UGT1A5: variants seen among roughly 807,000 people sequenced by gnomAD.
The protein encoded by UGT1A5 is UDP glucuronosyltransferase family 1 member A5, also known as UDP-glucuronosyltransferase 1A5.
UGT1A5 carries 29 observed loss-of-function variants against 40.3 expected under a neutral mutation model. The observed-to-expected ratio is 0.72, with a 90% CI of 0.54 to 0.98. The LOEUF is 0.98. Among genes scored for constraint, UGT1A5 ranks in the 50% least tolerant of loss-of-function variants. UGT1A5 has a pLI of 0.00. For missense variants in UGT1A5, 678 were observed against 677.9 expected (o/e 1.00, Z 0.00); for synonymous variants, 257 against 262.5 (o/e 0.98, Z 0.20).
intron 2 of UGT1A5, 67 bp from the exon 3 acceptor site, chr2:233,767,782 A>T: frequency 3.1e-6 from 5 of 1,613,494 alleles, no homozygotes; most frequent in Non-Finnish European, 4.2e-6. Context: ...TCTAGTTAGT[A>T]TAGCAGATTT....
Position 233,748,487 on chromosome 2 carries a change from A to G in UGT1A5, c.868-18547A>G, listed in dbSNP as rs58741345. 1.8e-3 allele frequency among the ~76,000 whole-genome samples: 274 copies of G among 151,976 alleles called. 7 individuals carry two copies. The highest frequency in any genetic ancestry group is 6.4e-3 in the African/African-American group (263 of 41,268). On this transcript the variant is annotated intron_variant, in intron 1 of 4. Transcript: ENST00000373414. ...ATGCAACAGCAAATTACAATTGTTAATGTGATAATTTTTAGTGGTCCTGTC... is the reference window on the plus strand; with the variant it reads ...ATGCAACAGCAAATTACAATTGTTAGTGTGATAATTTTTAGTGGTCCTGTC...
At chr2:233,725,046 G>C in intron 1 of UGT1A5, among the ~76,000 whole-genome samples, 1 of 147,958 alleles carries the variant, frequency 6.8e-6, no homozygotes, top group Non-Finnish European at 1.5e-5. Flanking sequence ...AACCAGTCAG[G>C]CGTGGCGGCG....
In UGT1A5 at chr2:233,768,384, G is replaced by A; in HGVS notation, c.1252G>A (p.Glu418Lys). 2 of 1,614,136 alleles carry A rather than the reference G, an allele frequency of 1.2e-6. No individual in the cohort carries two copies. Among genetic ancestry groups the A allele is most frequent in the Non-Finnish European group, 1.7e-6 (2 of 1,180,028 alleles). ...KGAGVTLNVLEMTSEDLENAL... is the reference protein window; with the variant it reads ...KGAGVTLNVLKMTSEDLENAL... ...AGCTGGAGTGACCCTGAATGTTCTGGAAATGACTTCTGAAGATTTAGAAAA... is the reference window on the plus strand; with the variant it reads ...AGCTGGAGTGACCCTGAATGTTCTGAAAATGACTTCTGAAGATTTAGAAAA... The change falls in exon 4 of 5, where the codon GAA becomes AAA. Residue 418 changes from glutamate (E) to lysine (K), a missense_variant. By Grantham distance (56) the Glu-to-Lys change is moderately conservative. Transcript: ENST00000373414.
intron 1 of UGT1A5, chr2:233,755,333 G>A (rs878855763): frequency 4.4e-6 from 2 of 455,268 alleles, no homozygotes; most frequent in South Asian, 1.9e-5. Flanking sequence ...CAGCACCCGC[G>A]CACAGGTCAG....
At chr2:233,744,920 C>T (rs543250877) in intron 1 of UGT1A5, among the ~76,000 whole-genome samples, 1 of 151,948 alleles carries the variant, frequency 6.6e-6, no homozygotes, top group African/African-American at 2.4e-5. Flanking sequence ...GCTCAAGCTC[C>T]TTTTATAAAA....
chr2:233,726,439 C>G (rs2077532269), intron 1 of UGT1A5, among the ~76,000 whole-genome samples: 1 of 152,184 alleles, frequency 6.6e-6, no homozygotes, highest in African/African-American at 2.4e-5. Context: ...TAATCTTATT[C>G]TTTCCACTGA....
At chr2:233,728,962 CAG>C in intron 1 of UGT1A5, 1 of 1,451,584 alleles carries the variant, frequency 6.9e-7, no homozygotes, top group Non-Finnish European at 9.2e-7. Flanking sequence ...CAGTGAAAAA[CAG>C]TGATAGATTA....
In UGT1A5 at chr2:233,769,819, C is replaced by T. The variant is rs35283790; in HGVS notation, c.1307+1380C>T. Reference sequence around the variant, plus strand: ...GCTATGAGCCGTGATCATGCCACTGCACTCCAGCAACCTGGGCAACAGAGT... The same window carrying T: ...GCTATGAGCCGTGATCATGCCACTGTACTCCAGCAACCTGGGCAACAGAGT... On this transcript the variant is annotated intron_variant, in intron 4 of 4. Transcript: ENST00000373414. This position sits in a 1 kb window ranked among gnomAD's most constrained non-coding sequence, Gnocchi z 4.4. The T allele has an allele frequency of 0.018, 15,000 of 840,188 alleles. 224 individuals carry two copies. Among genetic ancestry groups the T allele is most frequent in the Admixed American group, 0.067 (1,978 of 29,358 alleles). The allele number at this position is 840,188 out of a possible 1,614,324, so 52.0% of individuals were successfully genotyped here.
chr2:233,740,000 CTAAG>C (rs1449995031), intron 1 of UGT1A5, among the ~76,000 whole-genome samples: 3 of 151,814 alleles, frequency 2.0e-5, no homozygotes, highest in Non-Finnish European at 4.4e-5. Context: ...TCTTGTCATA[CTAAG>C]TGAGTTCTCA....
chr2:233,723,051 G>T (rs1327620442), intron 1 of UGT1A5, among the ~76,000 whole-genome samples: 1 of 141,468 alleles, frequency 7.1e-6, no homozygotes, highest in Non-Finnish European at 1.5e-5. Context: ...GGCACACTCG[G>T]TGTAACTTTA....
chr2:233,732,435 G>T (rs1198831061), intron 1 of UGT1A5, among the ~76,000 whole-genome samples: 2 of 152,234 alleles, frequency 1.3e-5, no homozygotes, highest in Admixed American at 6.5e-5. Flanking sequence ...GGATTTTTAT[G>T]GTTTTAGGTC....
rs6735370 is a variant in UGT1A5 at position 233,743,982 on chromosome 2, C to A, written c.868-23052C>A. 7.7e-6 allele frequency: 10 copies of A among 1,297,000 alleles called. 1 individual carries two copies. The highest frequency in any genetic ancestry group is 4.6e-5 in the African/African-American group (3 of 65,422). The allele number at this position is 1,297,000 out of a possible 1,614,324, so 80.3% of individuals were successfully genotyped here. The stretch of plus-strand genomic sequence containing the variant: ...AGCGGCAAGGCTGCCAGCACCCAGG[C>A]GCAGGCCCGAGTGCTCGGAGACCTG... On this transcript the variant is annotated intron_variant, in intron 1 of 4. Transcript: ENST00000373414.
chr2:233,719,525 C>T (rs2076777345), intron 1 of UGT1A5: 21 of 1,613,982 alleles, frequency 1.3e-5, no homozygotes, highest in Non-Finnish European at 1.8e-5. Context: ...CAAGTCTTGC[C>T]TCTGAGCTTT....
intron 1 of UGT1A5, chr2:233,755,155 T>G (rs921927491): frequency 2.3e-6 from 3 of 1,293,388 alleles, no homozygotes; most frequent in Non-Finnish European, 2.1e-6. Flanking sequence ...GCTTCCTCCC[T>G]GTCCTCGGGG....
intron 1 of UGT1A5, chr2:233,718,892 C>A (rs775726544): frequency 6.2e-7 from 1 of 1,613,902 alleles, no homozygotes; most frequent in African/African-American, 1.3e-5. Flanking sequence ...GTGTCCAGCC[C>A]TGGGCTGAGA....
chr2:233,729,899 G>A (rs780527869), intron 1 of UGT1A5: 13 of 1,613,938 alleles, frequency 8.1e-6, no homozygotes, highest in East Asian at 6.7e-5. Context: ...TGGCTGTTCC[G>A]AGGGGACTTT....
In UGT1A5 at chr2:233,725,047, C is replaced by T. The variant is rs528406821; in HGVS notation, c.867+11189C>T. ...CCGGTCTCCACCAAAACCAGTCAGG[C>T]GTGGCGGCGCGCGCCTGCAATCGCA... On this transcript the variant is annotated intron_variant, in intron 1 of 4. Transcript: ENST00000373414. 6.6e-4 allele frequency among the ~76,000 whole-genome samples: 97 copies of T among 147,932 alleles called. 5 individuals carry two copies. The highest frequency in any genetic ancestry group is 9.2e-4 in the South Asian group (4 of 4,340).
intron 1 of UGT1A5, chr2:233,718,070 C>G (rs2076625886): frequency 2.9e-6 from 1 of 346,404 alleles, no homozygotes; most frequent in Non-Finnish European, 5.7e-6. Flanking sequence ...TGGGTCCTTG[C>G]TAGGGTTGTC....
At chr2:233,729,281 A>G (rs2077829135) in intron 1 of UGT1A5, 2 of 1,614,144 alleles carry the variant, frequency 1.2e-6, no homozygotes. Context: ...CGGGAGCTCC[A>G]TGCCAGAGGC....
Sources: gnomAD v4.1 joint callset for allele counts (sites outside exome capture counted in the v4.1 genomes callset) on GRCh38, gnomAD v4.1.1 for gene constraint, Gnocchi (gnomAD v3.1) non-coding constraint, MANE v1.5 for transcripts, NCBI Gene and HGNC (gene_info 2026-07-23, HGNC 2026-07-21) for gene names.